Variants in CCSER1 observed in about 807,000 individuals in gnomAD.
CCSER1 encodes serine-rich coiled-coil domain-containing protein 1.
A neutral mutation model predicts 82.0 loss-of-function variants in CCSER1; 41 were observed. The ratio of observed to expected loss-of-function variants is 0.50; its 90% CI spans 0.39 to 0.65. The LOEUF (loss-of-function observed/expected upper bound fraction) is 0.65. CCSER1 is among the 30% of genes least tolerant of loss of function. The probability of loss-of-function intolerance (pLI) is 0.00; values close to 1 mark genes in which losing one functional copy is unlikely to be tolerated. For missense variants in CCSER1, 1,119 were observed against 1,064.2 expected, an observed-to-expected ratio of 1.05 and a Z score of -0.72; for synonymous variants, 414 against 383.9, an observed-to-expected ratio of 1.08 and a Z score of -0.92.
intron 10 of CCSER1, among the ~76,000 whole-genome samples, chr4:91,153,384 C>A (rs139201423): frequency 6.6e-6 from 1 of 151,850 alleles, no homozygotes; most frequent in African/African-American, 2.4e-5. Flanking sequence ...GTCTTCTCTA[C>A]GCTGTTTATT....
intron 9 of CCSER1, among the ~76,000 whole-genome samples, chr4:90,936,228 C>A (rs28645548): frequency 0.31 from 47,430 of 151,808 alleles, 7,815 homozygotes; most frequent in Non-Finnish European, 0.35. Context: ...TAGAATTTTT[C>A]TTTCTAATTT....
intron 10 of CCSER1, among the ~76,000 whole-genome samples, chr4:91,365,149 T>A (rs1749522628): frequency 6.6e-6 from 1 of 152,214 alleles, no homozygotes; most frequent in Admixed American, 6.5e-5. Context: ...TTCTGTTATT[T>A]ATGAGAGGCT....
In CCSER1 at chr4:90,485,180, C is replaced by T. The variant is rs181557010; in HGVS notation, c.1724+16826C>T. Among the ~76,000 whole-genome samples, 36 of 152,308 alleles carry T rather than the reference C, an allele frequency of 2.4e-4. No homozygotes were observed. In the East Asian group the frequency reaches 3.5e-3, roughly 15 times the overall value. ...GGCGTAGGACCCTCTGAGCCAGTTG[C>T]GGGATATAATCTCCTGGTGTGCCCT... On this transcript the variant is annotated intron_variant, in intron 5 of 10. Transcript: ENST00000509176.
chr4:91,086,983 T>C (rs1444210332), intron 10 of CCSER1, among the ~76,000 whole-genome samples: 1 of 152,222 alleles, frequency 6.6e-6, no homozygotes, highest in East Asian at 1.9e-4. Flanking sequence ...TCTTTAGATA[T>C]TTTTCATGTT....
At chr4:90,621,723 G>A (rs763625929) in intron 5 of CCSER1, among the ~76,000 whole-genome samples, 1 of 152,044 alleles carries the variant, frequency 6.6e-6, no homozygotes. Flanking sequence ...GTATTTTATT[G>A]TCTTCCTTTA....
chr4:90,526,699 A>G (rs1260145042), intron 5 of CCSER1, among the ~76,000 whole-genome samples: 1 of 151,924 alleles, frequency 6.6e-6, no homozygotes, highest in African/African-American at 2.4e-5. Context: ...AAAGACATGA[A>G]CTCATCATTT....
chr4:91,577,166 T>A (rs576340958), intron 10 of CCSER1, among the ~76,000 whole-genome samples: 7 of 152,102 alleles, frequency 4.6e-5, no homozygotes, highest in East Asian at 1.9e-4. Flanking sequence ...ATCTTTTTTT[T>A]AAATGTGGTT....
intron 5 of CCSER1, among the ~76,000 whole-genome samples, chr4:90,610,395 ATCT>A (rs1241845732): frequency 6.6e-6 from 1 of 152,316 alleles, no homozygotes; most frequent in South Asian, 2.1e-4. Context: ...GTCATGCCCA[ATCT>A]TCTTGTCTTA....
At chr4:91,151,886 A>G (rs1730245932) in intron 10 of CCSER1, among the ~76,000 whole-genome samples, 1 of 152,194 alleles carries the variant, frequency 6.6e-6, no homozygotes, top group South Asian at 2.1e-4. Flanking sequence ...GGAGTGCTTC[A>G]CTTCCACCTA....
intron 10 of CCSER1, among the ~76,000 whole-genome samples, chr4:91,256,073 C>G (rs1560546650): frequency 6.6e-6 from 1 of 152,080 alleles, no homozygotes; most frequent in African/African-American, 2.4e-5. Context: ...AAATATCGCT[C>G]AATTCTTTCC....
At chr4:90,293,603 AAG>A (rs1435720477) in intron 1 of CCSER1, among the ~76,000 whole-genome samples, 5 of 150,820 alleles carry the variant, frequency 3.3e-5, no homozygotes, top group Admixed American at 6.6e-5. Context: ...AAAATAAAAA[AAG>A]AAAATAAAAA....
At chr4:90,619,036 A>C (rs1177502397) in intron 5 of CCSER1, among the ~76,000 whole-genome samples, 1 of 151,804 alleles carries the variant, frequency 6.6e-6, no homozygotes, top group Non-Finnish European at 1.5e-5. Context: ...TATTTATAAA[A>C]TGTTGTTTTC....
At chr4:91,395,255 CTA>C (rs1446865636) in intron 10 of CCSER1, among the ~76,000 whole-genome samples, 10 of 152,012 alleles carry the variant, frequency 6.6e-5, no homozygotes, top group Admixed American at 3.9e-4. Context: ...CTTTGAACCT[CTA>C]TAGATTCAAT....
intron 10 of CCSER1, among the ~76,000 whole-genome samples, chr4:91,109,919 T>A (rs2148869521): frequency 6.6e-6 from 1 of 152,218 alleles, no homozygotes; most frequent in African/African-American, 2.4e-5. Flanking sequence ...GACACAAAAA[T>A]TCATTAAATT....
intron 9 of CCSER1, among the ~76,000 whole-genome samples, chr4:91,026,243 C>A (rs1054679971): frequency 1.3e-5 from 2 of 152,002 alleles, no homozygotes; most frequent in Non-Finnish European, 2.9e-5. Context: ...ATAAACTTTG[C>A]CATTGTTCCT....
At chr4:91,365,885 A>AAAACCAT (rs755698959) in intron 10 of CCSER1, among the ~76,000 whole-genome samples, 7 of 152,168 alleles carry the variant, frequency 4.6e-5, no homozygotes, top group Non-Finnish European at 1.0e-4. Context: ...AGCCCATGAG[A>AAAACCAT]AGTTCCCTAT....
intron 1 of CCSER1, among the ~76,000 whole-genome samples, chr4:90,293,050 G>A (rs1173823408): frequency 6.6e-6 from 1 of 151,572 alleles, no homozygotes; most frequent in Non-Finnish European, 1.5e-5. Context: ...GCTGCTGTAT[G>A]GAGTATGTTT....
intron 3 of CCSER1, among the ~76,000 whole-genome samples, chr4:90,350,142 T>C (rs1743162757): frequency 6.6e-6 from 1 of 152,082 alleles, no homozygotes; most frequent in African/African-American, 2.4e-5. Context: ...GTATCAAAAA[T>C]ACATGCTAGA....
intron 7 of CCSER1, among the ~76,000 whole-genome samples, chr4:90,803,756 T>C (rs1301925884): frequency 6.6e-6 from 1 of 152,166 alleles, no homozygotes; most frequent in African/African-American, 2.4e-5. Flanking sequence ...CAAATGGTAT[T>C]TCTAGTCCTA....
Sources: gnomAD v4.1 joint callset for allele counts (sites outside exome capture counted in the v4.1 genomes callset) on GRCh38, gnomAD v4.1.1 for gene constraint, MANE v1.5 for transcripts, NCBI Gene and HGNC (gene_info 2026-07-23, HGNC 2026-07-21) for gene names.